Variants in IMMP1L observed in about 807,000 individuals in gnomAD.
IMMP1L encodes the protein inner mitochondrial membrane peptidase subunit 1.
IMMP1L carries 24 observed loss-of-function variants against 21.8 expected under a neutral mutation model. The observed-to-expected ratio is 1.10, with a 90% CI of 0.80 to 1.55. The LOEUF (loss-of-function observed/expected upper bound fraction) is 1.55, where lower values mean the gene tolerates loss of function less well. Ranked by LOEUF, IMMP1L falls within the 40% of genes most tolerant of loss-of-function variation. The pLI is 0.00. For missense variants in IMMP1L, 195 were observed against 200.7 expected, an observed-to-expected ratio of 0.97 and a Z score of 0.17; for synonymous variants, 46 against 62.8, an observed-to-expected ratio of 0.73 and a Z score of 1.26.
intron 1 of IMMP1L, among the ~76,000 whole-genome samples, chr11:31,503,499 A>T (rs1955689311): frequency 6.6e-6 from 1 of 152,160 alleles, no homozygotes; most frequent in Non-Finnish European, 1.5e-5. Context: ...AAAAATCCCT[A>T]GCAAAATTAA....
At chr11:31,467,886 T>A (rs1267340151) in intron 1 of IMMP1L, among the ~76,000 whole-genome samples, 1 of 151,944 alleles carries the variant, frequency 6.6e-6, no homozygotes, top group African/African-American at 2.4e-5. Context: ...ACTGATATCA[T>A]GTGGCCTCTT....
intron 4 of IMMP1L, chr11:31,437,240 A>C (rs1953155424): frequency 2.6e-6 from 1 of 380,306 alleles, no homozygotes; most frequent in African/African-American, 2.1e-5. Context: ...AAGAGACCCA[A>C]GTCTAAACAT....
At chr11:31,479,957 G>A (rs1320917630) in intron 1 of IMMP1L, among the ~76,000 whole-genome samples, 3 of 151,876 alleles carry the variant, frequency 2.0e-5, no homozygotes, top group African/African-American at 7.2e-5. Flanking sequence ...TAAGGATGGT[G>A]GTGAAAGAAG....
chr11:31,465,879 T>C (rs760700891), intron 1 of IMMP1L, among the ~76,000 whole-genome samples: 5 of 152,028 alleles, frequency 3.3e-5, no homozygotes, highest in Non-Finnish European at 7.4e-5. Context: ...GCAAAGATTT[T>C]ATGGCTAAGA....
At chr11:31,460,741 A>T in intron 2 of IMMP1L, 27 bp from the exon 3 acceptor site, 1 of 1,356,878 alleles carries the variant, frequency 7.4e-7, no homozygotes, top group Non-Finnish European at 1.0e-6. Context: ...TTTGTAATCT[A>T]AATTCAAAAT....
intron 1 of IMMP1L, among the ~76,000 whole-genome samples, chr11:31,482,203 A>C (rs1362767446): frequency 2.0e-5 from 3 of 152,138 alleles, no homozygotes; most frequent in African/African-American, 4.8e-5. Flanking sequence ...AAAGCACTGC[A>C]AAACTCCATA....
intron 1 of IMMP1L, among the ~76,000 whole-genome samples, chr11:31,485,203 TA>T (rs1158509022): frequency 1.3e-5 from 2 of 151,910 alleles, no homozygotes; most frequent in African/African-American, 2.4e-5. Context: ...AAAGGTGATT[TA>T]ACCTTTGTAA....
At chr11:31,485,011 C>T (rs1955025977) in intron 1 of IMMP1L, among the ~76,000 whole-genome samples, 1 of 151,840 alleles carries the variant, frequency 6.6e-6, no homozygotes. Context: ...CTAATATCTC[C>T]TGTGCTCCAA....
At chr11:31,447,744 T>C (rs1407670614) in intron 4 of IMMP1L, among the ~76,000 whole-genome samples, 10 of 152,202 alleles carry the variant, frequency 6.6e-5, no homozygotes, top group Admixed American at 6.5e-4. Flanking sequence ...ATGCCAATAT[T>C]TTCTTGCTAA....
At chr11:31,445,491 T>G (rs949594060) in intron 4 of IMMP1L, among the ~76,000 whole-genome samples, 1 of 152,218 alleles carries the variant, frequency 6.6e-6, no homozygotes, top group Non-Finnish European at 1.5e-5. Flanking sequence ...AGTAGAAAGG[T>G]TGCCATACTT....
chr11:31,499,674 G>A (rs1723853717), intron 1 of IMMP1L, among the ~76,000 whole-genome samples: 1 of 152,102 alleles, frequency 6.6e-6, no homozygotes. Context: ...AAAACTACAT[G>A]AAATTCAAAT....
intron 3 of IMMP1L, among the ~76,000 whole-genome samples, 195 bp from the exon 4 acceptor site, chr11:31,456,581 A>G (rs1179779178): frequency 6.6e-6 from 1 of 152,172 alleles, no homozygotes; most frequent in Non-Finnish European, 1.5e-5. Context: ...TCCAACAATA[A>G]GAGTGATAAA....
intron 1 of IMMP1L, among the ~76,000 whole-genome samples, chr11:31,487,286 G>A (rs886349789): frequency 6.6e-6 from 1 of 151,948 alleles, no homozygotes; most frequent in Non-Finnish European, 1.5e-5. Context: ...AATAATATAA[G>A]ATCAGTTATC....
At chr11:31,455,825 C>CAAG (rs1420451063) in intron 4 of IMMP1L, among the ~76,000 whole-genome samples, 2 of 151,988 alleles carry the variant, frequency 1.3e-5, no homozygotes, top group African/African-American at 4.8e-5. Context: ...TGCAAGTGCC[C>CAAG]TTCTTGGTGC....
chr11:31,477,992 TGG>T (rs1359266264), intron 1 of IMMP1L, among the ~76,000 whole-genome samples: 2 of 152,216 alleles, frequency 1.3e-5, no homozygotes, highest in Non-Finnish European at 2.9e-5. Context: ...TGCTAGTATC[TGG>T]GGAATACCCT....
At position 31,463,201 on chromosome 11, in the gene IMMP1L, C is replaced by G. The variant is rs372148769; in HGVS notation, c.76G>C (p.Ala26Pro). 6 of 1,609,962 alleles carry G rather than the reference C, an allele frequency of 3.7e-6. No individual in the cohort carries two copies. The highest frequency in any genetic ancestry group is 2.7e-5 in the African/African-American group (2 of 74,680). Reference protein sequence around the residue: ...TIQYGCIAHCAFEYVGGVVMC... With the variant: ...TIQYGCIAHCPFEYVGGVVMC... Reference sequence around the variant, plus strand: ...ACAACACCACCAACGTATTCAAAAGCACAATGAGCTATACAGCCATATTGA... The same window carrying G: ...ACAACACCACCAACGTATTCAAAAGGACAATGAGCTATACAGCCATATTGA... Residue 26 changes from alanine to proline, a missense_variant, in exon 2 of 6, where the codon GCT (alanine) becomes CCT (proline). Coordinates refer to ENST00000532287, the MANE Select transcript of IMMP1L (RefSeq NM_001304274.2).
At chr11:31,473,773 CAG>C (rs1050724460) in intron 1 of IMMP1L, 72 of 985,018 alleles carry the variant, frequency 7.3e-5, no homozygotes, top group Non-Finnish European at 7.7e-5. Context: ...CCTGATTGTT[CAG>C]GTCTGAAATT....
intron 4 of IMMP1L, among the ~76,000 whole-genome samples, chr11:31,435,737 A>G (rs555187339): frequency 6.6e-6 from 1 of 152,250 alleles, no homozygotes; most frequent in East Asian, 1.9e-4. Context: ...CACTCTTTCA[A>G]TACTAGGGAG....
intron 4 of IMMP1L, among the ~76,000 whole-genome samples, chr11:31,434,634 G>T (rs779907649): frequency 2.0e-5 from 3 of 151,866 alleles, no homozygotes; most frequent in Non-Finnish European, 4.4e-5. Flanking sequence ...TTCTTGAAAA[G>T]TAAATGTATA....
Sources: gnomAD v4.1 joint callset for allele counts (sites outside exome capture counted in the v4.1 genomes callset) on GRCh38, gnomAD v4.1.1 for gene constraint, MANE v1.5 for transcripts, NCBI Gene and HGNC (gene_info 2026-07-23, HGNC 2026-07-21) for gene names.